Variants in CNOT2 observed in about 807,000 individuals in gnomAD.
The protein encoded by CNOT2 is CCR4-NOT transcription complex subunit 2.
CNOT2 carries 7 observed loss-of-function variants against 72.1 expected under a neutral mutation model. The observed-to-expected ratio is 0.10, with a 90% CI of 0.06 to 0.18. The LOEUF is 0.18. Ranked by LOEUF, CNOT2 falls within the 10% of genes least tolerant of loss-of-function variation. The pLI is 1.00. For synonymous variants in CNOT2, 196 were observed against 225.6 expected (o/e 0.87, Z 1.17); for missense variants, 345 against 660.3 (o/e 0.52, Z 5.23).
Position 70,311,036 on chromosome 12 carries a change from T to C in CNOT2, c.171+19T>C. 1.3e-6 allele frequency: 2 copies of C among 1,572,360 alleles called. No individual in the cohort carries two copies. The highest frequency in any genetic ancestry group is 1.1e-5 in the South Asian group (1 of 89,490). ...AAAAGATGTAAGTTAATCAATTATG[T>C]TGTATTTTTTCAGCAATGTAAGTCT... is the stretch of plus-strand genomic sequence containing the variant. On this transcript the variant is annotated intron_variant, in intron 3 of 15. Coordinates refer to ENST00000229195, the MANE Select transcript of CNOT2 (RefSeq NM_014515.7).
At chr12:70,282,440 A>G (rs1291537619) in intron 2 of CNOT2, among the ~76,000 whole-genome samples, 1 of 152,232 alleles carries the variant, frequency 6.6e-6, no homozygotes, top group Non-Finnish European at 1.5e-5. Flanking sequence ...AACATTAAAT[A>G]TCTTACTTCC....
chr12:70,347,125 ATTTG>A (rs1030479247), intron 15 of CNOT2, among the ~76,000 whole-genome samples: 1 of 151,440 alleles, frequency 6.6e-6, no homozygotes, highest in Non-Finnish European at 1.5e-5. Context: ...AAAGAGTTAA[ATTTG>A]TTTGTTTTAA....
intron 2 of CNOT2, among the ~76,000 whole-genome samples, chr12:70,305,892 T>TC: frequency 6.7e-6 from 1 of 149,786 alleles, no homozygotes; most frequent in Non-Finnish European, 1.5e-5. Context: ...TTTTTTTTTT[T>TC]TTGGTAAATT....
Position 70,354,050 on chromosome 12 carries a change from T to C in CNOT2, c.*135T>C. 5 of 1,405,302 alleles carry C rather than the reference T, an allele frequency of 3.6e-6. No homozygotes were observed. The highest frequency in any genetic ancestry group is 4.6e-6 in the Non-Finnish European group (5 of 1,075,642). 87.1% of individuals were successfully genotyped at this position (1,405,302 alleles called of 1,614,324 possible). On this transcript the variant is annotated 3_prime_UTR_variant, in exon 16 of 16. Transcript: ENST00000229195. ...ATTCCTTGAGGATCTGGCAATTGGC[T>C]TACGCAAAAGGTCACCATTTGAGGT...
intron 1 of CNOT2, among the ~76,000 whole-genome samples, chr12:70,255,256 CCTTTCT>C (rs1246089275): frequency 8.6e-5 from 13 of 151,992 alleles, no homozygotes; most frequent in Admixed American, 5.9e-4. Flanking sequence ...GTATTTGTGT[CCTTTCT>C]CTTTATCATT....
At chr12:70,284,575 CCTTTTT>C (rs1870535776) in intron 2 of CNOT2, among the ~76,000 whole-genome samples, 1 of 140,546 alleles carries the variant, frequency 7.1e-6, no homozygotes, top group Non-Finnish European at 1.5e-5. Flanking sequence ...TAAAATTTGA[CCTTTTT>C]TTTTTTTTTT....
At chr12:70,339,084 A>C (rs537812360) in intron 11 of CNOT2, among the ~76,000 whole-genome samples, 8 of 128,166 alleles carry the variant, frequency 6.2e-5, no homozygotes, top group Non-Finnish European at 3.1e-5. Context: ...GTGTATATAT[A>C]TATATATACA....
chr12:70,276,027 A>G (rs992970320), intron 1 of CNOT2, among the ~76,000 whole-genome samples: 1 of 152,024 alleles, frequency 6.6e-6, no homozygotes, highest in African/African-American at 2.4e-5. Flanking sequence ...ATTAGAGTAT[A>G]TAATGGCTAT....
intron 2 of CNOT2, among the ~76,000 whole-genome samples, chr12:70,288,191 TGGA>T (rs1191836652): frequency 7.8e-6 from 1 of 127,530 alleles, no homozygotes; most frequent in Non-Finnish European, 1.6e-5. Flanking sequence ...TTGCCTAGGC[TGGA>T]GTGCAATGGT....
intron 1 of CNOT2, among the ~76,000 whole-genome samples, chr12:70,261,628 T>A (rs984589462): frequency 3.7e-4 from 57 of 152,164 alleles, no homozygotes; most frequent in African/African-American, 1.3e-3. Flanking sequence ...TTTTTGTGCC[T>A]ATTTTCATAA....
chr12:70,281,022 A>G (rs1405265709), intron 2 of CNOT2, among the ~76,000 whole-genome samples: 1 of 151,870 alleles, frequency 6.6e-6, no homozygotes, highest in Non-Finnish European at 1.5e-5. Context: ...CCTAGCTATG[A>G]GCATGCACAT....
Position 70,308,555 on chromosome 12 carries a change from T to TTCTTTCTC in CNOT2, c.49-2337_49-2336insTTCTCTCT, listed in dbSNP as rs1555199527. Among the ~76,000 whole-genome samples the TTCTTTCTC allele has an allele frequency of 3.3e-3, 445 of 134,270 alleles. 1 individual carries two copies. The highest frequency in any genetic ancestry group is 8.1e-3 in the African/African-American group (294 of 36,214). The allele number at this position is 134,270 out of a possible 152,430, so 88.1% of individuals were successfully genotyped here. On this transcript the variant is annotated intron_variant, in intron 2 of 15. Transcript: ENST00000229195. The stretch of plus-strand genomic sequence containing the variant: ...AAATTAAGCTTAAGTTTGGTATATT[T>TTCTTTCTC]TCTCTCTCTCTCTCTCTCTCTCTCT...
rs550624923 is a variant in CNOT2 at position 70,310,984 on chromosome 12, G to A, written c.138G>A (p.Gln46=). 2.5e-6 allele frequency: 4 copies of A among 1,600,014 alleles called. No individual in the cohort carries two copies. In the African/African-American group the frequency reaches 5.4e-5, roughly 21 times the overall value. The stretch of plus-strand genomic sequence containing the variant: ...ATGACGAAAACATGTACTACAGCCA[G>A]TCTTCTATGTTTCCACATCGGTCAG... ...DYHDENMYYS[Q]SSMFPHRSEK... The change falls in exon 3 of 16, where the codon CAG becomes CAA. Residue 46 remains glutamine, a synonymous_variant. Transcript: ENST00000229195.
chr12:70,294,630 T>C lies in CNOT2; in HGVS notation c.49-16265T>C, dbSNP rs569085082. On this transcript the variant is annotated intron_variant, in intron 2 of 15. Transcript: ENST00000229195. The stretch of plus-strand genomic sequence containing the variant: ...TTCAAAAAAGAAGCTAAAAAAAAAG[T>C]TGGGGAAGGCCTAAGTCCATAGACT... Among the ~76,000 whole-genome samples, 47 of 152,136 alleles carry C rather than the reference T, an allele frequency of 3.1e-4. No individual in the cohort carries two copies. The South Asian group carries it at 3.1e-3, about 10-fold the overall frequency.
chr12:70,254,455 G>T (rs1042218912), intron 1 of CNOT2, among the ~76,000 whole-genome samples: 1 of 152,110 alleles, frequency 6.6e-6, no homozygotes, highest in Non-Finnish European at 1.5e-5. Flanking sequence ...ACACTCCTCA[G>T]ACTGGTGCCC....
chr12:70,299,213 AT>A (rs544115723), intron 2 of CNOT2, among the ~76,000 whole-genome samples: 24 of 149,940 alleles, frequency 1.6e-4, no homozygotes, highest in African/African-American at 2.7e-4. Context: ...CATGAGACTT[AT>A]TTTTTTTTTA....
chr12:70,317,419 T>A (rs1877526231), intron 3 of CNOT2, among the ~76,000 whole-genome samples: 1 of 151,948 alleles, frequency 6.6e-6, no homozygotes, highest in African/African-American at 2.4e-5. Context: ...TTAATATACC[T>A]ACAAAATATT....
At chr12:70,272,224 G>C (rs1959340390) in intron 1 of CNOT2, among the ~76,000 whole-genome samples, 1 of 152,162 alleles carries the variant, frequency 6.6e-6, no homozygotes, top group Admixed American at 6.5e-5. Context: ...AGGTACTTGT[G>C]ATAACAGTGA....
At chr12:70,341,835 G>T (rs1020291736) in intron 11 of CNOT2, among the ~76,000 whole-genome samples, 3 of 152,092 alleles carry the variant, frequency 2.0e-5, no homozygotes, top group African/African-American at 7.2e-5. Context: ...AGTAAAAGTA[G>T]AAAATTTTTA....
Sources: gnomAD v4.1 joint callset for allele counts (sites outside exome capture counted in the v4.1 genomes callset) on GRCh38, gnomAD v4.1.1 for gene constraint, MANE v1.5 for transcripts, NCBI Gene and HGNC (gene_info 2026-07-23, HGNC 2026-07-21) for gene names.